ZRANB1: variants seen among roughly 807,000 people sequenced by gnomAD.
ZRANB1 encodes the protein zinc finger RANBP2-type containing 1.
ZRANB1 carries 16 observed loss-of-function variants against 80.5 expected under a neutral mutation model. The observed-to-expected ratio is 0.20, with a 90% CI of 0.13 to 0.30. The LOEUF is 0.30. Ranked by LOEUF, ZRANB1 falls within the 10% of genes least tolerant of loss-of-function variation. ZRANB1 has a pLI of 1.00. For synonymous variants in ZRANB1, 291 were observed against 293.1 expected, an observed-to-expected ratio of 0.99 and a Z score of 0.07; for missense variants, 576 against 862.6, an observed-to-expected ratio of 0.67 and a Z score of 4.16.
At chr10:124,934,908 T>G in the ZRANB1 span, among the ~76,000 whole-genome samples, 1 of 152,144 alleles carries the variant, frequency 6.6e-6, no homozygotes, top group Non-Finnish European at 1.5e-5. Flanking sequence ...CAAAGAAGTT[T>G]GAGGAAGAAA....
chr10:124,988,073 T>C lies in ZRANB1; in HGVS notation c.*3081T>C, dbSNP rs1564976042. 6.5e-6 allele frequency: 1 copy of C among 152,718 alleles called. No homozygotes were observed. Among genetic ancestry groups the C allele is most frequent in the South Asian group, 2.1e-4 (1 of 4,826 alleles). The allele number at this position is 152,718 out of a possible 1,614,324, so 9.5% of individuals were successfully genotyped here. The stretch of plus-strand genomic sequence containing the variant: ...TCTAAAAGTTGAGCAACTTTGTTTT[T>C]TTTTGAATTGATTTAGCACTAACCC... On this transcript the variant is annotated 3_prime_UTR_variant, in exon 9 of 9. Transcript: ENST00000359653.
rs541305770 is a variant in ZRANB1, at chr10:124,987,378, A to G, written c.*2386A>G. On this transcript the variant is annotated 3_prime_UTR_variant, in exon 9 of 9. Coordinates refer to ENST00000359653, the MANE Select transcript of ZRANB1 (RefSeq NM_017580.3). ...GGGTCAAATTTATATATATATATAT[A>G]AATTTTTGTTTGGGCGACCAAGATC... The G allele has an allele frequency of 1.3e-5, 2 of 151,864 alleles. No homozygotes were observed. Among genetic ancestry groups the G allele is most frequent in the African/African-American group, 4.8e-5 (2 of 41,412 alleles). The allele number at this position is 151,864 out of a possible 1,614,324, so 9.4% of individuals were successfully genotyped here.
At chr10:124,925,295 T>C in the ZRANB1 span, among the ~76,000 whole-genome samples, 1 of 152,222 alleles carries the variant, frequency 6.6e-6, no homozygotes, top group Non-Finnish European at 1.5e-5. Flanking sequence ...TTTTAAATTG[T>C]CATTCTAGTG....
In ZRANB1 at chr10:124,942,980, T is replaced by C. The variant is rs1232315147; in HGVS notation, c.487T>C (p.Trp163Arg). The change falls in exon 1 of 9, where the codon TGG becomes CGG. Residue 163 changes from tryptophan (W) to arginine (R), a missense_variant. Trp to Arg is a moderately radical substitution (Grantham distance 101, BLOSUM62 -3). This residue lies in a region of ZRANB1 where 411 missense variants were observed against 583.1 expected (regional missense o/e 0.70). Transcript: ENST00000359653. ...WTCSVCTYEN[W>R]AKAKRCVVCD... ...TTGCTCTGTTTGCACATATGAAAAC[T>C]GGGCCAAGGCTAAAAGATGTGTTGT... 1.2e-6 allele frequency: 2 copies of C among 1,614,210 alleles called. No individual in the cohort carries two copies. The highest frequency in any genetic ancestry group is 1.7e-6 in the Non-Finnish European group (2 of 1,180,034).
Position 124,942,264 on chromosome 10 carries a change from T to G in ZRANB1, c.-230T>G. ...TTTATTAAATCCCAGGGTCTAAGAT[T>G]TTTTCTTTGAGAATTTATCTCCAGT... On this transcript the variant is annotated 5_prime_UTR_variant, in exon 1 of 9. In the 5' UTR this introduces an upstream ATG that the reference lacks. Coordinates refer to ENST00000359653, the MANE Select transcript of ZRANB1 (RefSeq NM_017580.3). 1 of 1,361,434 alleles carries G rather than the reference T, an allele frequency of 7.3e-7. No individual in the cohort carries two copies. The allele number at this position is 1,361,434 out of a possible 1,614,324, so 84.3% of individuals were successfully genotyped here.
the ZRANB1 span, among the ~76,000 whole-genome samples, chr10:124,924,076 T>C: frequency 1.3e-5 from 2 of 152,016 alleles, no homozygotes; most frequent in Admixed American, 6.6e-5. Context: ...GTGGTCTCTT[T>C]CTTTTTTTTT....
At chr10:124,972,820 C>T (rs1029669571) in intron 3 of ZRANB1, among the ~76,000 whole-genome samples, 1 of 151,536 alleles carries the variant, frequency 6.6e-6, no homozygotes, top group Admixed American at 6.6e-5. Flanking sequence ...CTCTGTTGCC[C>T]AGGCTAGAGT....
At chr10:124,957,303 GA>G (rs1951694797) in intron 1 of ZRANB1, among the ~76,000 whole-genome samples, 1 of 151,656 alleles carries the variant, frequency 6.6e-6, no homozygotes, top group Non-Finnish European at 1.5e-5. Context: ...GAGGAGGGAG[GA>G]ATACTATATA....
At chr10:124,984,509 TTTTTA>T (rs1356551919) in intron 8 of ZRANB1, 3 of 415,918 alleles carry the variant, frequency 7.2e-6, no homozygotes, top group Non-Finnish European at 1.3e-5. Context: ...GGACATTTGT[TTTTTA>T]TTTTATCTAA....
Position 124,942,291 on chromosome 10 carries a change from T to A in ZRANB1, c.-203T>A. 7.2e-7 allele frequency: 1 copy of A among 1,398,364 alleles called. No individual in the cohort carries two copies. Among genetic ancestry groups the A allele is most frequent in the Non-Finnish European group, 9.3e-7 (1 of 1,080,236 alleles). 86.6% of individuals were successfully genotyped at this position (1,398,364 alleles called of 1,614,324 possible). A position where few individuals can be genotyped will look rare whatever the true frequency, so the allele number is the denominator to read the frequency against. Reference sequence around the variant, plus strand: ...TTTCTTTGAGAATTTATCTCCAGTGTTTCTATGGAAATTAAAAAAGAAAAT... The same window carrying A: ...TTTCTTTGAGAATTTATCTCCAGTGATTCTATGGAAATTAAAAAAGAAAAT... On this transcript the variant is annotated 5_prime_UTR_variant, in exon 1 of 9. Transcript: ENST00000359653.
the ZRANB1 span, among the ~76,000 whole-genome samples, chr10:124,930,709 A>G: frequency 2.0e-5 from 3 of 152,312 alleles, no homozygotes; most frequent in Non-Finnish European, 1.5e-5. Flanking sequence ...CTTGACGTAT[A>G]TATTTGGAAG....
chr10:124,946,743 CT>C (rs1015512447), intron 1 of ZRANB1, among the ~76,000 whole-genome samples: 1 of 152,102 alleles, frequency 6.6e-6, no homozygotes, highest in Admixed American at 6.5e-5. Flanking sequence ...ATGTTAAATA[CT>C]TTTTTTAAAC....
chr10:124,978,367 A>G (rs935871111), intron 5 of ZRANB1, among the ~76,000 whole-genome samples: 5 of 152,210 alleles, frequency 3.3e-5, no homozygotes, highest in Admixed American at 2.0e-4. Flanking sequence ...CTTAAGTCAT[A>G]TAAGATACAT....
the ZRANB1 span, among the ~76,000 whole-genome samples, chr10:124,933,471 C>T: frequency 6.6e-6 from 1 of 152,258 alleles, no homozygotes; most frequent in Admixed American, 6.5e-5. Context: ...GTAGCATGTT[C>T]ATAGTTCTTG....
At chr10:124,939,192 GTTTT>G (rs78940070), upstream of ZRANB1, among the ~76,000 whole-genome samples, 6 of 134,392 alleles carry the variant, frequency 4.5e-5, no homozygotes, top group Non-Finnish European at 9.8e-5. Flanking sequence ...CAAAAATCGT[GTTTT>G]TTTTTTTTTT....
chr10:124,975,041 C>T (rs920869856), intron 5 of ZRANB1, among the ~76,000 whole-genome samples: 4 of 152,174 alleles, frequency 2.6e-5, no homozygotes, highest in African/African-American at 4.8e-5. Context: ...TCAAGCGATC[C>T]GCCTGCCTGG....
chr10:124,983,271 C>T lies in ZRANB1; in HGVS notation c.1645C>T (p.Arg549Trp), dbSNP rs1951957025. 2.5e-6 allele frequency: 4 copies of T among 1,613,974 alleles called. No individual in the cohort carries two copies. Among genetic ancestry groups the T allele is most frequent in the Non-Finnish European group, 3.4e-6 (4 of 1,179,984 alleles). The change falls in exon 7 of 9, where the codon CGG becomes TGG. Residue 549 changes from arginine (R) to tryptophan (W), a missense_variant. Arg to Trp is a moderately radical substitution (Grantham distance 101). Around this residue, in one of 3 missense-constraint regions of ZRANB1, gnomAD observed 152 missense variants for 221.9 expected, o/e 0.69. Coordinates refer to ENST00000359653, the MANE Select transcript of ZRANB1 (RefSeq NM_017580.3). This position sits in a 1 kb window ranked among gnomAD's most constrained non-coding sequence, Gnocchi z 6.2. ...VYGVKYYKSF[R>W]GETLGYTRFQ... is the part of the protein sequence containing the mutation. Reference sequence around the variant, plus strand: ...TGGAGTAAAATATTACAAGAGTTTCCGGGGAGAAACTTTAGGATATACTCG... The same window carrying T: ...TGGAGTAAAATATTACAAGAGTTTCTGGGGAGAAACTTTAGGATATACTCG...
the ZRANB1 span, among the ~76,000 whole-genome samples, chr10:124,928,214 C>G: frequency 6.6e-6 from 1 of 152,010 alleles, no homozygotes; most frequent in Non-Finnish European, 1.5e-5. Flanking sequence ...CATCCTGTTA[C>G]GAGTGAAGGC....
Position 124,942,399 on chromosome 10 carries a change from G to A in ZRANB1, c.-95G>A. The A allele has an allele frequency of 6.5e-7, 1 of 1,538,160 alleles. No individual in the cohort carries two copies. Among genetic ancestry groups the A allele is most frequent in the Admixed American group, 2.0e-5 (1 of 50,156 alleles). On this transcript the variant is annotated 5_prime_UTR_variant, in exon 1 of 9. Transcript: ENST00000359653. ...GGTTGAAGGACTTGCTTTTTGGGCA[G>A]CGTATTTTTGGAGGTGGAATGTAGT...
Sources: gnomAD v4.1 joint callset for allele counts (sites outside exome capture counted in the v4.1 genomes callset) on GRCh38, gnomAD v4.1.1 for gene constraint, gnomAD v4.1.1 regional missense constraint, Gnocchi (gnomAD v3.1) non-coding constraint, MANE v1.5 for transcripts, NCBI Gene and HGNC (gene_info 2026-07-23, HGNC 2026-07-21) for gene names.